The following PPP1R13L variants were observed in gnomAD, a reference collection of about 807,000 sequenced individuals.
PPP1R13L encodes relA-associated inhibitor.
In PPP1R13L, 50 loss-of-function variants were observed where a neutral mutation model predicts 80.9. The ratio of observed to expected loss-of-function variants is 0.62; its 90% CI spans 0.49 to 0.78. PPP1R13L has a LOEUF of 0.78. PPP1R13L is among the 30% of genes least tolerant of loss of function. The pLI, the probability that PPP1R13L is intolerant of heterozygous loss-of-function variation, is 0.00. For synonymous variants in PPP1R13L, 602 were observed against 534.3 expected, an observed-to-expected ratio of 1.13 and a Z score of -1.75; for missense variants, 1,200 against 1,205.9, an observed-to-expected ratio of 1.00 and a Z score of 0.07.
chr19:45,405,106 C>G (rs1368182166), upstream of PPP1R13L: 3 of 971,660 alleles, frequency 3.1e-6, no homozygotes, highest in African/African-American at 5.3e-5. Context: ...GACGACGTGA[C>G]TTGGGCTGGA....
Position 45,396,208 on chromosome 19 carries a change from C to T in PPP1R13L, c.863G>A (p.Trp288Ter), listed in dbSNP as rs1453439689. 6.2e-7 allele frequency: 1 copy of T among 1,611,776 alleles called. No homozygotes were observed. Among genetic ancestry groups the T allele is most frequent in the Non-Finnish European group, 8.5e-7 (1 of 1,179,674 alleles). The stretch of plus-strand genomic sequence containing the variant: ...CAGTCCATCCAGGCTGCTCTCCCTC[C>T]AAGGCAACAGCTGCAGGCTCGGCGA... ...PASPSLQLLP[W>*]RESSLDGLGG... The change falls in exon 6 of 13, where the codon TGG becomes TAG. Residue 288 changes from tryptophan (W) to a stop codon, truncating the protein, a stop_gained. Coordinates refer to ENST00000360957, the MANE Select transcript of PPP1R13L (RefSeq NM_006663.4). LOFTEE classifies it high-confidence loss of function. The surrounding 1 kb of genome is among the most constrained non-coding windows in gnomAD (Gnocchi z 5.3).
intron 1 of PPP1R13L, among the ~76,000 whole-genome samples, chr19:45,402,583 G>C (rs969867719): frequency 6.6e-6 from 1 of 152,200 alleles, no homozygotes; most frequent in Non-Finnish European, 1.5e-5. Flanking sequence ...GCCCGGGCAG[G>C]TGCTGTACAT....
At chr19:45,399,491 A>G (rs557934122) in intron 1 of PPP1R13L, among the ~76,000 whole-genome samples, 129 of 150,086 alleles carry the variant, frequency 8.6e-4, no homozygotes, top group African/African-American at 2.8e-3. Flanking sequence ...AGGCGTGGTG[A>G]TGGACGCCTG....
chr19:45,396,921 C>T lies in PPP1R13L; in HGVS notation c.336G>A (p.Leu112=). 1 of 1,491,782 alleles carries T rather than the reference C, an allele frequency of 6.7e-7. No individual in the cohort carries two copies. Among genetic ancestry groups the T allele is most frequent in the Non-Finnish European group, 8.9e-7 (1 of 1,129,104 alleles). The allele number at this position is 1,491,782 out of a possible 1,614,324, so 92.4% of individuals were successfully genotyped here. The change falls in exon 4 of 13, where the codon CTG becomes CTA. Residue 112 remains leucine (L), a synonymous_variant. Coordinates refer to ENST00000360957, the MANE Select transcript of PPP1R13L (RefSeq NM_006663.4). The surrounding 1 kb of genome is among the most constrained non-coding windows in gnomAD (Gnocchi z 5.3). ...GCGACGACGGCCGTCCCTTGGGGGA[C>T]AGCGGGCTGTAGGGGTGTAGGGTTG... is the stretch of plus-strand genomic sequence containing the variant. The part of the protein sequence containing the change: ...SAPTLHPYSP[L]SPKGRPSSPR...
At chr19:45,398,599 T>TTTTTTGTG (rs1973165696) in intron 1 of PPP1R13L, among the ~76,000 whole-genome samples, 1 of 150,222 alleles carries the variant, frequency 6.7e-6, no homozygotes, top group African/African-American at 2.4e-5. Flanking sequence ...TTTTTTTTTT[T>TTTTTTGTG]TTTGTGTATG....
At position 45,379,920 on chromosome 19, in the gene PPP1R13L, A is replaced by G; in HGVS notation, c.*270T>C. 2 of 357,232 alleles carry G rather than the reference A, an allele frequency of 5.6e-6. No homozygotes were observed. The highest frequency in any genetic ancestry group is 5.2e-5 in the East Asian group (1 of 19,074). 22.1% of individuals were successfully genotyped at this position (357,232 alleles called of 1,614,324 possible). The stretch of plus-strand genomic sequence containing the variant: ...GTGGTAGGCATGGGAGGCACTTTGG[A>G]CGGGATCTGATTTGGCAAAAGGAAG... On this transcript the variant is annotated 3_prime_UTR_variant, in exon 13 of 13. Coordinates refer to ENST00000360957, the MANE Select transcript of PPP1R13L (RefSeq NM_006663.4).
intron 11 of PPP1R13L, among the ~76,000 whole-genome samples, chr19:45,383,541 C>T (rs1353230259): frequency 6.6e-6 from 1 of 151,774 alleles, no homozygotes; most frequent in African/African-American, 2.4e-5. Flanking sequence ...GTGATCCACC[C>T]GCCTCGGCCT....
At chr19:45,399,497 G>A (rs1312181756) in intron 1 of PPP1R13L, among the ~76,000 whole-genome samples, 5 of 151,046 alleles carry the variant, frequency 3.3e-5, no homozygotes, top group Non-Finnish European at 2.9e-5. Flanking sequence ...GGTGATGGAC[G>A]CCTGTAGTCC....
chr19:45,392,063 C>T lies in PPP1R13L; in HGVS notation c.1632G>A (p.Gln544=). Residue 544 remains glutamine (Q), a synonymous_variant, in exon 8 of 13, where the codon CAG becomes CAA. Transcript: ENST00000360957. ...ALPPTHKKQY[Q]QIISRLFHRH... is the part of the protein sequence containing the mutation. ...GATGGAAGAGGCGGCTGATGATCTG[C>T]TGGTACTGTTTCTTGTGGGTAGGGG... The T allele has an allele frequency of 6.5e-7, 1 of 1,542,652 alleles. No individual in the cohort carries two copies. The highest frequency in any genetic ancestry group is 8.7e-7 in the Non-Finnish European group (1 of 1,146,638).
rs769017316 is a variant in PPP1R13L, at chr19:45,396,887, G to A, written c.370C>T (p.Pro124Ser). 1.3e-6 allele frequency: 2 copies of A among 1,527,688 alleles called. No individual in the cohort carries two copies. Among genetic ancestry groups the A allele is most frequent in the Middle Eastern group, 3.4e-4 (2 of 5,820 alleles). The allele number at this position is 1,527,688 out of a possible 1,614,324, so 94.6% of individuals were successfully genotyped here. A position where few individuals can be genotyped will look rare whatever the true frequency, so the allele number is the denominator to read the frequency against. Residue 124 changes from proline to serine, a missense_variant, in exon 4 of 13, where the codon CCG becomes TCG. Coordinates refer to ENST00000360957, the MANE Select transcript of PPP1R13L (RefSeq NM_006663.4). The surrounding 1 kb of genome is among the most constrained non-coding windows in gnomAD (Gnocchi z 5.3). The stretch of plus-strand genomic sequence containing the variant: ...TAGGCGTCCGGCTGCAGGTAGAGCG[G>A]GGTGCGCGGCGACGACGGCCGTCCC... Reference protein sequence around the residue: ...PKGRPSSPRTPLYLQPDAYGS... With the variant: ...PKGRPSSPRTSLYLQPDAYGS...
At chr19:45,381,877 T>C in intron 12 of PPP1R13L, among the ~76,000 whole-genome samples, 1 of 150,340 alleles carries the variant, frequency 6.7e-6, no homozygotes, top group Admixed American at 6.6e-5. Flanking sequence ...GAGGCAGAGG[T>C]TGCAGTGAGC....
At chr19:45,399,395 A>C (rs528530279) in intron 1 of PPP1R13L, among the ~76,000 whole-genome samples, 147 of 143,004 alleles carry the variant, frequency 1.0e-3, no homozygotes, top group Middle Eastern at 4.2e-3. Flanking sequence ...GAGGCCAAGG[A>C]GGGCGGATCA....
At chr19:45,392,374 C>G (rs1473435880) in intron 7 of PPP1R13L, 34 bp from the exon 8 acceptor site, 1 of 1,595,660 alleles carries the variant, frequency 6.3e-7, no homozygotes, top group Non-Finnish European at 8.6e-7. Context: ...GAGGACAGGT[C>G]CCCAGGAGAC....
intron 1 of PPP1R13L, among the ~76,000 whole-genome samples, chr19:45,400,174 G>T (rs1014807637): frequency 6.6e-6 from 1 of 151,962 alleles, no homozygotes; most frequent in African/African-American, 2.4e-5. Context: ...CTAGAGGGAA[G>T]CGACTGCTCA....
In PPP1R13L at chr19:45,380,085, C is replaced by A. The variant is rs1398161525; in HGVS notation, c.*105G>T. 1.6e-6 allele frequency: 2 copies of A among 1,281,728 alleles called. No individual in the cohort carries two copies. Among genetic ancestry groups the A allele is most frequent in the Non-Finnish European group, 2.2e-6 (2 of 897,480 alleles). 79.4% of individuals were successfully genotyped at this position (1,281,728 alleles called of 1,614,324 possible). On this transcript the variant is annotated 3_prime_UTR_variant, in exon 13 of 13. Coordinates refer to ENST00000360957, the MANE Select transcript of PPP1R13L (RefSeq NM_006663.4). ...AACCGGTGGCAAGGACCACCACCAG[C>A]AGGGTGAGGGGTGCAGATAAAGGCA... is the stretch of plus-strand genomic sequence containing the variant.
intron 11 of PPP1R13L, among the ~76,000 whole-genome samples, chr19:45,385,212 A>G (rs1228443544): frequency 1.3e-5 from 2 of 152,166 alleles, no homozygotes; most frequent in Non-Finnish European, 2.9e-5. Context: ...CTCTCCCACA[A>G]GTGGCAGAGC....
chr19:45,386,864 G>C (rs568374351), intron 8 of PPP1R13L, among the ~76,000 whole-genome samples: 4 of 151,734 alleles, frequency 2.6e-5, no homozygotes, highest in African/African-American at 7.2e-5. Context: ...TCGAACTCCT[G>C]ACCTCAGGTG....
intron 2 of PPP1R13L, 32 bp downstream of exon 2, chr19:45,398,232 C>T: frequency 1.2e-6 from 2 of 1,613,590 alleles, no homozygotes; most frequent in South Asian, 1.1e-5. Context: ...GAGGTCCCCG[C>T]CTCGCCAGCC....
chr19:45,398,872 C>T (rs960558598), intron 1 of PPP1R13L, among the ~76,000 whole-genome samples: 1 of 151,820 alleles, frequency 6.6e-6, no homozygotes, highest in Non-Finnish European at 1.5e-5. Context: ...TACAATGTGC[C>T]GGTAAACATA....
Sources: allele counts gnomAD v4.1 joint callset (sites outside exome capture counted in the v4.1 genomes callset), GRCh38; gene constraint gnomAD v4.1.1; non-coding constraint Gnocchi (gnomAD v3.1); transcripts MANE v1.5; gene names NCBI Gene and HGNC (gene_info 2026-07-23, HGNC 2026-07-21).